The following GABRG3 variants were observed in gnomAD, a reference collection of about 807,000 sequenced individuals.
GABRG3 encodes the protein gamma-aminobutyric acid receptor subunit gamma-3.
Under a neutral mutation model 48.8 loss-of-function variants are expected in GABRG3, and 25 were observed. That is an observed-to-expected ratio of 0.51 (90% CI 0.37 to 0.72). The LOEUF (loss-of-function observed/expected upper bound fraction) is 0.72, where lower values mean the gene tolerates loss of function less well. GABRG3 is among the 30% of genes least tolerant of loss of function. The pLI is 0.00. For missense variants in GABRG3, 394 were observed against 577.9 expected (o/e 0.68, Z 3.26); for synonymous variants, 227 against 217.6 (o/e 1.04, Z -0.38).
chr15:27,274,785 A>AG (rs1380882628), intron 3 of GABRG3, among the ~76,000 whole-genome samples: 3 of 152,200 alleles, frequency 2.0e-5, no homozygotes, highest in Non-Finnish European at 4.4e-5. Context: ...CTTACTTTTA[A>AG]TGCCCAAACA....
At chr15:27,187,580 C>A in intron 3 of GABRG3, among the ~76,000 whole-genome samples, 1 of 152,116 alleles carries the variant, frequency 6.6e-6, no homozygotes, top group Admixed American at 6.6e-5. Context: ...TCTTTGATTT[C>A]TTTCATCAAC....
chr15:27,223,584 C>G (rs1250248145), intron 3 of GABRG3, among the ~76,000 whole-genome samples: 2 of 152,150 alleles, frequency 1.3e-5, no homozygotes, highest in African/African-American at 2.4e-5. Flanking sequence ...TTAAAAGATT[C>G]ACAATCTTAC....
chr15:27,513,916 A>G (rs902406554), intron 6 of GABRG3, among the ~76,000 whole-genome samples: 3 of 152,226 alleles, frequency 2.0e-5, no homozygotes, highest in Admixed American at 6.5e-5. Flanking sequence ...AGACTTGCCA[A>G]AGCTTTATGG....
Position 27,179,515 on chromosome 15 carries a change from A to AT in GABRG3, c.271-147291dup, listed in dbSNP as rs1410657922. On this transcript the variant is annotated intron_variant, in intron 3 of 9. Transcript: ENST00000615808. This position sits in a 1 kb window ranked among gnomAD's most constrained non-coding sequence, Gnocchi z 4.0. ...TTTATGCTTGGTCTGGCTCTGAGAA[A>AT]TTTATCATTTTCCCCATTGGTAGAG... 6.6e-6 allele frequency among the ~76,000 whole-genome samples: 1 copy of AT among 152,174 alleles called. No individual in the cohort carries two copies. Among genetic ancestry groups the AT allele is most frequent in the Non-Finnish European group, 1.5e-5 (1 of 68,042 alleles).
chr15:27,274,263 T>G (rs1483772794), intron 3 of GABRG3, among the ~76,000 whole-genome samples: 1 of 152,236 alleles, frequency 6.6e-6, no homozygotes, highest in Admixed American at 6.5e-5. Context: ...TTTGCTTTTC[T>G]GTCTTAGTTT....
chr15:27,328,967 T>C lies in GABRG3; in HGVS notation c.574+79T>C, dbSNP rs1305636072. The stretch of plus-strand genomic sequence containing the variant: ...TGGTACTGCTTCTGTCAAACAGTCA[T>C]GTGATTGATCACAGTGTCCCTGCAC... On this transcript the variant is annotated intron_variant, in intron 5 of 9. Coordinates refer to ENST00000615808, the MANE Select transcript of GABRG3 (RefSeq NM_033223.5). 19 of 1,164,876 alleles carry C rather than the reference T, an allele frequency of 1.6e-5. No individual in the cohort carries two copies. The East Asian group carries it at 4.3e-4, about 26-fold the overall frequency. The allele number at this position is 1,164,876 out of a possible 1,614,324, so 72.2% of individuals were successfully genotyped here. A position where few individuals can be genotyped will look rare whatever the true frequency, so the allele number is the denominator to read the frequency against.
intron 3 of GABRG3, among the ~76,000 whole-genome samples, chr15:27,314,725 A>T (rs1893152628): frequency 6.6e-6 from 1 of 152,238 alleles, no homozygotes; most frequent in South Asian, 2.1e-4. Flanking sequence ...TTTAACCTTT[A>T]AAAAAGAAGA....
chr15:27,444,888 A>AT (rs113857798), intron 5 of GABRG3, among the ~76,000 whole-genome samples: 1,777 of 148,280 alleles, frequency 0.012, 16 homozygotes, highest in African/African-American at 0.017. Context: ...CATGTTCAAG[A>AT]TTTTTTTTTT....
intron 5 of GABRG3, among the ~76,000 whole-genome samples, chr15:27,346,096 A>G (rs368840424): frequency 0.99 from 129,746 of 131,582 alleles, 64,312 homozygotes; most frequent in South Asian, 1. Flanking sequence ...GAAAGAAAGA[A>G]AGGAAAGAAA....
chr15:27,039,367 G>T (rs1896234596), intron 3 of GABRG3, among the ~76,000 whole-genome samples: 1 of 152,178 alleles, frequency 6.6e-6, no homozygotes, highest in East Asian at 1.9e-4. Context: ...GCCTGCTACA[G>T]GAACACTGGG....
At chr15:27,040,091 C>T (rs1277922966) in intron 3 of GABRG3, among the ~76,000 whole-genome samples, 1 of 152,246 alleles carries the variant, frequency 6.6e-6, no homozygotes, top group African/African-American at 2.4e-5. Flanking sequence ...GGTGGTGCCT[C>T]GCAGCACGGG....
At chr15:27,281,296 A>G (rs1171316835) in intron 3 of GABRG3, among the ~76,000 whole-genome samples, 1 of 152,114 alleles carries the variant, frequency 6.6e-6, no homozygotes, top group African/African-American at 2.4e-5. Flanking sequence ...GTAGCTATGT[A>G]TGTGCTAAGC....
intron 6 of GABRG3, among the ~76,000 whole-genome samples, chr15:27,495,641 TTTTTAA>T (rs539941490): frequency 2.0e-3 from 299 of 152,354 alleles, no homozygotes; most frequent in South Asian, 9.7e-3. Flanking sequence ...ATCCATTGAA[TTTTTAA>T]TTTTGTTTAT....
At chr15:27,183,395 C>A (rs1036573031) in intron 3 of GABRG3, among the ~76,000 whole-genome samples, 15 of 152,120 alleles carry the variant, frequency 9.9e-5, no homozygotes, top group Non-Finnish European at 2.2e-4. Context: ...GATGGAGTAG[C>A]CTGCCTGAGG....
chr15:27,159,181 A>T (rs1898510606), intron 3 of GABRG3, among the ~76,000 whole-genome samples: 1 of 152,096 alleles, frequency 6.6e-6, no homozygotes, highest in Non-Finnish European at 1.5e-5. Flanking sequence ...ATACTAAAAG[A>T]CTCAAAAAGA....
chr15:27,067,571 G>A (rs1896758966), intron 3 of GABRG3, among the ~76,000 whole-genome samples: 1 of 152,186 alleles, frequency 6.6e-6, no homozygotes, highest in Admixed American at 6.5e-5. Context: ...GTGCCCCTGT[G>A]GGCCAGGCTG....
chr15:27,230,125 A>G (rs1335723515), intron 3 of GABRG3, among the ~76,000 whole-genome samples: 2 of 152,126 alleles, frequency 1.3e-5, no homozygotes, highest in Non-Finnish European at 2.9e-5. Flanking sequence ...CTGGTTAGCT[A>G]TATTCCTAGG....
intron 5 of GABRG3, among the ~76,000 whole-genome samples, chr15:27,412,692 A>G (rs1449893964): frequency 6.6e-6 from 1 of 152,230 alleles, no homozygotes; most frequent in African/African-American, 2.4e-5. Flanking sequence ...TGTGCTGAGC[A>G]TTCTAATGCA....
At chr15:27,235,985 G>A (rs1220455572) in intron 3 of GABRG3, among the ~76,000 whole-genome samples, 1 of 152,156 alleles carries the variant, frequency 6.6e-6, no homozygotes, top group Non-Finnish European at 1.5e-5. Context: ...TAGAAGTAAA[G>A]TTCTCTACAA....
Sources: allele counts gnomAD v4.1 joint callset (sites outside exome capture counted in the v4.1 genomes callset), GRCh38; gene constraint gnomAD v4.1.1; non-coding constraint Gnocchi (gnomAD v3.1); transcripts MANE v1.5; gene names NCBI Gene and HGNC (gene_info 2026-07-23, HGNC 2026-07-21).